The following ZNF248 variants were observed in gnomAD, a reference collection of about 807,000 sequenced individuals.
ZNF248 encodes zinc finger protein 248, also known as KRAB protein domain.
ZNF248 carries 20 observed loss-of-function variants against 44.3 expected under a neutral mutation model. The ratio of observed to expected loss-of-function variants is 0.45; its 90% confidence interval spans 0.32 to 0.66. ZNF248 has a LOEUF of 0.66. ZNF248 is among the 30% of genes least tolerant of loss of function. ZNF248 has a pLI of 0.04. For synonymous variants in ZNF248, 224 were observed against 229.0 expected, an observed-to-expected ratio of 0.98 and a Z score of 0.20; for missense variants, 654 against 677.0, an observed-to-expected ratio of 0.97 and a Z score of 0.38.
downstream of ZNF248, among the ~76,000 whole-genome samples, chr10:37,828,113 A>T (rs2054676072): frequency 1.3e-5 from 2 of 152,210 alleles, no homozygotes; most frequent in South Asian, 4.1e-4. Flanking sequence ...AATGCAGTAT[A>T]AGAGAAAATA....
chr10:37,796,563 A>G (rs997197950), intron 6 of ZNF248, among the ~76,000 whole-genome samples: 1 of 152,088 alleles, frequency 6.6e-6, no homozygotes, highest in African/African-American at 2.4e-5. Flanking sequence ...ATGATGATCT[A>G]TCGTTGTGTC....
At chr10:37,826,252 T>C (rs2054372821), downstream of ZNF248, among the ~76,000 whole-genome samples, 1 of 152,278 alleles carries the variant, frequency 6.6e-6, no homozygotes, top group South Asian at 2.1e-4. Flanking sequence ...GGTAAAACTA[T>C]CATGACACAC....
In ZNF248 at chr10:37,831,779, C is replaced by T. The variant is rs1384460691; in HGVS notation, c.1576G>A (p.Gly526Arg). ...GEKPYKCNEC[G>R]KTFCEKSALT... is the part of the protein sequence containing the mutation. The stretch of plus-strand genomic sequence containing the variant: ...GCTGATTTTTCACAGAAGGTTTTCC[C>T]ACATTCATTACACTTATATGGTTTC... The change falls in exon 6 of 6, where the codon GGG becomes AGG. Residue 526 changes from glycine to arginine, a missense_variant. Physicochemically the swap from Gly to Arg is moderately radical, Grantham distance 125. Transcript: ENST00000395867. 1 of 1,612,966 alleles carries T rather than the reference C, an allele frequency of 6.2e-7. No homozygotes were observed. The highest frequency in any genetic ancestry group is 1.3e-5 in the African/African-American group (1 of 74,854).
intron 3 of ZNF248, among the ~76,000 whole-genome samples, chr10:37,854,093 G>A (rs1346744297): frequency 6.6e-6 from 1 of 152,138 alleles, no homozygotes; most frequent in Non-Finnish European, 1.5e-5. Context: ...CTACATACAA[G>A]TAAACTCCAA....
At chr10:37,784,713 G>T (rs2047685884) in intron 6 of ZNF248, among the ~76,000 whole-genome samples, 1 of 152,160 alleles carries the variant, frequency 6.6e-6, no homozygotes, top group African/African-American at 2.4e-5. Flanking sequence ...CTCTGTCACA[G>T]TGTAGTACAC....
the ZNF248 span, among the ~76,000 whole-genome samples, chr10:37,771,034 C>T: frequency 6.6e-6 from 1 of 152,216 alleles, no homozygotes; most frequent in Non-Finnish European, 1.5e-5. Flanking sequence ...CTTATCATCA[C>T]TGGCCATCAG....
chr10:37,848,263 C>T (rs182044567), intron 3 of ZNF248, among the ~76,000 whole-genome samples: 20 of 150,190 alleles, frequency 1.3e-4, no homozygotes, highest in African/African-American at 4.2e-4. Flanking sequence ...GGCAACAGAA[C>T]GATACTCCCT....
intron 3 of ZNF248, among the ~76,000 whole-genome samples, chr10:37,843,004 C>T (rs1004628539): frequency 2.6e-5 from 4 of 152,146 alleles, no homozygotes; most frequent in African/African-American, 4.8e-5. Context: ...TACCCCAGCG[C>T]AGAGTCAATG....
At chr10:37,802,668 G>A (rs1564492736) in intron 6 of ZNF248, among the ~76,000 whole-genome samples, 1 of 152,142 alleles carries the variant, frequency 6.6e-6, no homozygotes, top group African/African-American at 2.4e-5. Context: ...GATAGTACTT[G>A]TCCCTTCAGT....
intron 5 of ZNF248, among the ~76,000 whole-genome samples, chr10:37,836,916 T>C (rs1458287203): frequency 1.3e-5 from 2 of 151,920 alleles, no homozygotes; most frequent in Non-Finnish European, 1.5e-5. Flanking sequence ...TGTTGTTAAA[T>C]GAATATATAG....
At position 37,829,974 on chromosome 10, in the gene ZNF248, C is replaced by T; in HGVS notation, c.*1641G>A. 1.0e-6 allele frequency: 1 copy of T among 985,356 alleles called. No individual in the cohort carries two copies. Among genetic ancestry groups the T allele is most frequent in the Non-Finnish European group, 1.2e-6 (1 of 829,936 alleles). 61.0% of individuals were successfully genotyped at this position (985,356 alleles called of 1,614,324 possible). ...CAGCAAGGATGAAGTAGGGAATGGC[C>T]ATCATGTGGGCAGTGTCTCTTAGAA... is the stretch of plus-strand genomic sequence containing the variant. On this transcript the variant is annotated 3_prime_UTR_variant, in exon 6 of 6. Transcript: ENST00000395867.
At chr10:37,836,804 A>G (rs1320131814) in intron 5 of ZNF248, among the ~76,000 whole-genome samples, 5 of 136,566 alleles carry the variant, frequency 3.7e-5, no homozygotes, top group South Asian at 2.3e-4. Flanking sequence ...ACACACACAC[A>G]CGCATTTTTT....
intron 6 of ZNF248, among the ~76,000 whole-genome samples, chr10:37,789,460 T>C (rs1203787306): frequency 1.3e-5 from 2 of 152,200 alleles, no homozygotes; most frequent in Non-Finnish European, 2.9e-5. Context: ...AATGGTGTTT[T>C]ATGGTAATCT....
At chr10:37,798,650 AT>A (rs2049430038) in intron 6 of ZNF248, among the ~76,000 whole-genome samples, 1 of 152,152 alleles carries the variant, frequency 6.6e-6, no homozygotes, top group South Asian at 2.1e-4. Context: ...AAAAATATAT[AT>A]TATGTGTGGA....
intron 6 of ZNF248, among the ~76,000 whole-genome samples, chr10:37,813,387 G>C (rs2133442260): frequency 6.6e-6 from 1 of 152,218 alleles, no homozygotes; most frequent in East Asian, 1.9e-4. Context: ...CAGAAATTAT[G>C]ATGTAGTTCT....
intron 6 of ZNF248, among the ~76,000 whole-genome samples, chr10:37,790,789 GCA>G (rs1391859336): frequency 6.6e-6 from 1 of 150,622 alleles, no homozygotes; most frequent in Non-Finnish European, 1.5e-5. Flanking sequence ...GTGTGAGTGT[GCA>G]CTCCTGTAGC....
chr10:37,802,941 A>C (rs2050005211), intron 6 of ZNF248: 1 of 152,168 alleles, frequency 6.6e-6, no homozygotes, highest in Non-Finnish European at 1.5e-5. Context: ...GTAATCCTCC[A>C]GTCTCGGCCT....
chr10:37,809,506 G>C (rs1393085027), intron 6 of ZNF248, among the ~76,000 whole-genome samples: 1 of 152,150 alleles, frequency 6.6e-6, no homozygotes, highest in Non-Finnish European at 1.5e-5. Flanking sequence ...TTGAACTCCT[G>C]ACTTGAAGTG....
Position 37,832,124 on chromosome 10 carries a change from T to G in ZNF248, c.1231A>C (p.Thr411Pro). 1 of 1,614,054 alleles carries G rather than the reference T, an allele frequency of 6.2e-7. No homozygotes were observed. The highest frequency in any genetic ancestry group is 8.5e-7 in the Non-Finnish European group (1 of 1,179,952). The change falls in exon 6 of 6, where the codon ACT becomes CCT. Residue 411 changes from threonine (T) to proline (P), a missense_variant. Coordinates refer to ENST00000395867, the MANE Select transcript of ZNF248 (RefSeq NM_021045.3). ...TGGCAAAAGGCTTTCCCACATTCAG[T>G]ACATTCATAGGGCTTCTCTCCTGTG... ...THTGEKPYEC[T>P]ECGKAFCQKP...
Sources: gnomAD v4.1 joint callset for allele counts (sites outside exome capture counted in the v4.1 genomes callset) on GRCh38, gnomAD v4.1.1 for gene constraint, MANE v1.5 for transcripts, NCBI Gene and HGNC (gene_info 2026-07-23, HGNC 2026-07-21) for gene names.